HDAC9: variants seen among roughly 807,000 people sequenced by gnomAD.
HDAC9 encodes histone deacetylase 9, also known as MEF-2 interacting transcription repressor (MITR) protein.
Under a neutral mutation model 139.4 loss-of-function variants are expected in HDAC9, and 41 were observed. That is an observed-to-expected ratio of 0.29 (90% CI 0.23 to 0.38). The LOEUF (loss-of-function observed/expected upper bound fraction) is 0.38. Ranked by LOEUF, HDAC9 falls within the 10% of genes least tolerant of loss-of-function variation. The pLI, the probability that HDAC9 is intolerant of heterozygous loss-of-function variation, is 1.00. For missense variants in HDAC9, 1,147 were observed against 1,297.0 expected (o/e 0.88, Z 1.78); for synonymous variants, 517 against 476.2 (o/e 1.09, Z -1.12).
intron 1 of HDAC9, among the ~76,000 whole-genome samples, chr7:18,313,928 G>C (rs1799474856): frequency 6.6e-6 from 1 of 152,148 alleles, no homozygotes; most frequent in Admixed American, 6.6e-5. Flanking sequence ...TTTTTGGAGG[G>C]ATTTCAGGGA....
intron 16 of HDAC9, among the ~76,000 whole-genome samples, chr7:18,768,779 A>G (rs1790036430): frequency 1.3e-5 from 2 of 152,194 alleles, no homozygotes; most frequent in South Asian, 2.1e-4. Flanking sequence ...TCCCTGAGTT[A>G]TGATGGTTCA....
Position 18,761,425 on chromosome 7 carries a change from C to A in HDAC9, c.2044-732C>A, listed in dbSNP as rs75908264. Among the ~76,000 whole-genome samples, 583 of 152,244 alleles carry A rather than the reference C, an allele frequency of 3.8e-3. 6 individuals carry two copies. Among genetic ancestry groups the A allele is most frequent in the African/African-American group, 0.013 (530 of 41,534 alleles). On this transcript the variant is annotated intron_variant, in intron 14 of 25. Transcript: ENST00000686413. ...TGTTTTTGTTTAATTTCCAATCTGTCAGAGACTAATACGCATAAAAAATGT... is the reference window on the plus strand; with the variant it reads ...TGTTTTTGTTTAATTTCCAATCTGTAAGAGACTAATACGCATAAAAAATGT...
chr7:18,383,607 G>A (rs1393763029), intron 1 of HDAC9, among the ~76,000 whole-genome samples: 1 of 151,646 alleles, frequency 6.6e-6, no homozygotes, highest in Non-Finnish European at 1.5e-5. Flanking sequence ...AAGAAAGCAG[G>A]AAAAAGCTTG....
chr7:18,959,948 A>G (rs1783413455), intron 24 of HDAC9, among the ~76,000 whole-genome samples: 1 of 151,950 alleles, frequency 6.6e-6, no homozygotes, highest in Non-Finnish European at 1.5e-5. Context: ...TAAATACAGG[A>G]GCAATTTCCA....
chr7:18,771,135 A>T (rs1330503770), intron 16 of HDAC9, among the ~76,000 whole-genome samples: 1 of 152,142 alleles, frequency 6.6e-6, no homozygotes, highest in Non-Finnish European at 1.5e-5. Context: ...CAGAACTGGG[A>T]CCTGACTAAG....
chr7:18,597,535 T>C (rs1429579942), intron 6 of HDAC9, among the ~76,000 whole-genome samples: 1 of 152,140 alleles, frequency 6.6e-6, no homozygotes, highest in Non-Finnish European at 1.5e-5. Context: ...TTGGAAATAG[T>C]ACATATTTCC....
intron 6 of HDAC9, among the ~76,000 whole-genome samples, chr7:18,598,978 C>A (rs1409979180): frequency 1.3e-5 from 2 of 152,130 alleles, no homozygotes; most frequent in Non-Finnish European, 2.9e-5. Context: ...GAATTTGAGT[C>A]CAACCTGGGT....
At chr7:18,713,754 G>A (rs532758552) in intron 12 of HDAC9, among the ~76,000 whole-genome samples, 1 of 152,292 alleles carries the variant, frequency 6.6e-6, no homozygotes, top group South Asian at 2.1e-4. Flanking sequence ...ATAGTAGATG[G>A]TTAATGAAGT....
intron 6 of HDAC9, among the ~76,000 whole-genome samples, chr7:18,626,035 A>G (rs1786620551): frequency 6.6e-6 from 1 of 151,578 alleles, no homozygotes; most frequent in African/African-American, 2.4e-5. Flanking sequence ...AGCGTGGGTC[A>G]TAGACTTTTA....
Position 18,585,261 on chromosome 7 carries a change from C to CT in HDAC9, c.23-13dup, listed in dbSNP as rs757386016. The CT allele has an allele frequency of 3.6e-4, 587 of 1,609,460 alleles. No individual in the cohort carries two copies. The highest frequency in any genetic ancestry group is 4.6e-4 in the Non-Finnish European group (545 of 1,177,218). On this transcript the variant is annotated intron_variant, in intron 2 of 25. Transcript: ENST00000686413. ...TATTACCCTCCCCCACCCCATTTCC[C>CT]TTTTTTTCTGGTTCTTTAGTGGATG...
At chr7:18,691,498 G>A (rs868556055) in intron 12 of HDAC9, among the ~76,000 whole-genome samples, 1 of 151,836 alleles carries the variant, frequency 6.6e-6, no homozygotes, top group East Asian at 1.9e-4. Context: ...TCTTGTTACC[G>A]TGAGGTGGAA....
chr7:18,675,753 A>G (rs1037809341), intron 12 of HDAC9, among the ~76,000 whole-genome samples: 3 of 151,956 alleles, frequency 2.0e-5, no homozygotes, highest in Non-Finnish European at 4.4e-5. Context: ...CTGCCCCAAG[A>G]GTTGAGAACC....
chr7:18,802,186 T>C (rs1793356930), intron 17 of HDAC9, among the ~76,000 whole-genome samples: 1 of 151,934 alleles, frequency 6.6e-6, no homozygotes, highest in Non-Finnish European at 1.5e-5. Flanking sequence ...AAGTACTATT[T>C]GAGTTACATG....
intron 22 of HDAC9, among the ~76,000 whole-genome samples, chr7:18,891,497 T>C (rs1800676755): frequency 6.6e-6 from 1 of 152,160 alleles, no homozygotes; most frequent in South Asian, 2.1e-4. Flanking sequence ...AGATCAGCAA[T>C]TAGGAAGAAC....
Position 18,591,786 on chromosome 7 carries a change from T to A in HDAC9, c.542+144T>A. The stretch of plus-strand genomic sequence containing the variant: ...TCCTTCAGTTCTCTAAGGATCAGTT[T>A]CCTTCTCCATAAAAAGAGGAAAATA... On this transcript the variant is annotated intron_variant, in intron 5 of 25. Transcript: ENST00000686413. 2.6e-6 allele frequency: 3 copies of A among 1,136,982 alleles called. No homozygotes were observed. The South Asian group carries it at 4.8e-5, about 18-fold the overall frequency. 70.4% of individuals were successfully genotyped at this position (1,136,982 alleles called of 1,614,324 possible). A position where few individuals can be genotyped will look rare whatever the true frequency, so the allele number is the denominator to read the frequency against.
intron 13 of HDAC9, among the ~76,000 whole-genome samples, chr7:18,737,511 C>T (rs142542752): frequency 0.013 from 1,958 of 152,176 alleles, 29 homozygotes; most frequent in African/African-American, 0.037. Flanking sequence ...CATTCAGGAG[C>T]AGGTTGTTCA....
At chr7:18,144,190 A>T (rs967031835) in intron 1 of HDAC9, among the ~76,000 whole-genome samples, 1 of 152,238 alleles carries the variant, frequency 6.6e-6, no homozygotes, top group Non-Finnish European at 1.5e-5. Flanking sequence ...GGAAATAAAA[A>T]AAAGGATAAA....
intron 12 of HDAC9, among the ~76,000 whole-genome samples, chr7:18,704,024 G>A (rs914819848): frequency 1.3e-5 from 2 of 152,116 alleles, no homozygotes; most frequent in South Asian, 2.1e-4. Flanking sequence ...AGGGTGGCTT[G>A]GAGAAAAATG....
At chr7:18,130,926 C>G (rs1035808895) in intron 1 of HDAC9, among the ~76,000 whole-genome samples, 1 of 151,976 alleles carries the variant, frequency 6.6e-6, no homozygotes, top group African/African-American at 2.4e-5. Flanking sequence ...GTCCAAACTT[C>G]GAAGAGTTTC....
Sources: allele counts gnomAD v4.1 joint callset (sites outside exome capture counted in the v4.1 genomes callset), GRCh38; gene constraint gnomAD v4.1.1; transcripts MANE v1.5; gene names NCBI Gene and HGNC (gene_info 2026-07-23, HGNC 2026-07-21).